The following ZBTB8OS variants were observed in gnomAD, a reference collection of about 807,000 sequenced individuals.
The protein encoded by ZBTB8OS is tRNA splicing ligase complex subunit 1, also known as tRNA-splicing ligase-activating factor archease.
Under a neutral mutation model 29.3 loss-of-function variants are expected in ZBTB8OS, and 16 were observed. That is an observed-to-expected ratio of 0.55 (90% CI 0.37 to 0.83). The LOEUF (loss-of-function observed/expected upper bound fraction) is 0.83. Ranked by LOEUF, ZBTB8OS falls within the 40% of genes least tolerant of loss-of-function variation. ZBTB8OS has a pLI of 0.00. For missense variants in ZBTB8OS, 160 were observed against 196.9 expected (o/e 0.81, Z 1.12); for synonymous variants, 70 against 64.6 (o/e 1.08, Z -0.40).
At chr1:32,644,210 C>G (rs925272179) in intron 1 of ZBTB8OS, among the ~76,000 whole-genome samples, 1 of 152,116 alleles carries the variant, frequency 6.6e-6, no homozygotes, top group South Asian at 2.1e-4. Context: ...GTTTATCAAT[C>G]GGACGAATTC....
At chr1:32,641,853 G>A (rs906272102) in intron 1 of ZBTB8OS, among the ~76,000 whole-genome samples, 6 of 151,898 alleles carry the variant, frequency 4.0e-5, no homozygotes, top group Admixed American at 1.3e-4. Flanking sequence ...CCCGGGAGAC[G>A]GAGGTTGCAG....
intron 5 of ZBTB8OS, among the ~76,000 whole-genome samples, chr1:32,630,129 C>G (rs1570524196): frequency 6.6e-6 from 1 of 152,154 alleles, no homozygotes; most frequent in African/African-American, 2.4e-5. Flanking sequence ...AAAGATCTCA[C>G]TTTACAAAAA....
intron 6 of ZBTB8OS, among the ~76,000 whole-genome samples, chr1:32,625,611 C>G (rs1038719542): frequency 6.6e-6 from 1 of 152,136 alleles, no homozygotes; most frequent in African/African-American, 2.4e-5. Flanking sequence ...GTGGTGTGCA[C>G]CTGTAAGCTC....
chr1:32,649,535 A>C (rs612656), intron 1 of ZBTB8OS, among the ~76,000 whole-genome samples: 2,076 of 152,184 alleles, frequency 0.014, 40 homozygotes, highest in African/African-American at 0.046. Flanking sequence ...AAAGTCACTA[A>C]GCGAATAAAT....
chr1:32,631,229 T>G (rs1252777024), intron 5 of ZBTB8OS, among the ~76,000 whole-genome samples: 1 of 150,786 alleles, frequency 6.6e-6, no homozygotes, highest in Non-Finnish European at 1.5e-5. Context: ...AGTGGCACAC[T>G]TGGTGGTCCC....
At chr1:32,643,176 T>G (rs992111556) in intron 1 of ZBTB8OS, among the ~76,000 whole-genome samples, 1 of 149,950 alleles carries the variant, frequency 6.7e-6, no homozygotes, top group Admixed American at 6.7e-5. Flanking sequence ...GTTCAAGCGA[T>G]TCTCCTGCCT....
In ZBTB8OS at chr1:32,631,836, C is replaced by T. The variant is rs776311479; in HGVS notation, c.371G>A (p.Arg124Gln). Residue 124 changes from arginine to glutamine, a missense_variant, in exon 5 of 7, where the codon CGA becomes CAA. Transcript: ENST00000468695. ...LSIDQRNFKL[R>Q]SIGWGEEFSL... ...GACTTTCAAAACTTACCCAATTGAT[C>T]GTAATTTGAAATTTCTTTGATCAAT... 5.6e-6 allele frequency: 9 copies of T among 1,594,414 alleles called. No individual in the cohort carries two copies. The South Asian group carries it at 5.7e-5, about 10-fold the overall frequency.
At chr1:32,650,385 G>A in intron 1 of ZBTB8OS, 48 bp downstream of exon 1, 1 of 1,610,834 alleles carries the variant, frequency 6.2e-7, no homozygotes. Context: ...AAGGAGAGGG[G>A]ATGCCTGTGT....
intron 1 of ZBTB8OS, among the ~76,000 whole-genome samples, chr1:32,641,951 C>T (rs1646443153): frequency 6.6e-6 from 1 of 151,652 alleles, no homozygotes; most frequent in African/African-American, 2.4e-5. Flanking sequence ...AAAACAAAAC[C>T]TTTGTACATA....
chr1:32,650,572 G>C, upstream of ZBTB8OS: 2 of 1,613,686 alleles, frequency 1.2e-6, no homozygotes, highest in Non-Finnish European at 1.7e-6. Context: ...TCATCCACCG[G>C]ACTTCGGCCC....
chr1:32,647,266 C>CAAAAAAAAAA (rs71006348), intron 1 of ZBTB8OS, among the ~76,000 whole-genome samples: 1 of 134,552 alleles, frequency 7.4e-6, no homozygotes, highest in Admixed American at 7.5e-5. Flanking sequence ...TACTCTGTCT[C>CAAAAAAAAAA]AAAAAAAAAA....
In ZBTB8OS at chr1:32,631,891, G is replaced by T; in HGVS notation, c.328-12C>A. 1 of 1,405,650 alleles carries T rather than the reference G, an allele frequency of 7.1e-7. No individual in the cohort carries two copies. The highest frequency in any genetic ancestry group is 2.8e-5 in the East Asian group (1 of 35,570). The allele number at this position is 1,405,650 out of a possible 1,614,324, so 87.1% of individuals were successfully genotyped here. On this transcript the variant is annotated splice_polypyrimidine_tract_variant and intron_variant, in intron 4 of 6. Coordinates refer to ENST00000468695, the MANE Select transcript of ZBTB8OS (RefSeq NM_178547.5). ...AGTACTTTCACTTCCTAGACAGGAA[G>T]AAAAATTTTTTAATTAAAAAAAGTT...
chr1:32,646,030 T>C (rs962782494), intron 1 of ZBTB8OS, among the ~76,000 whole-genome samples: 4 of 152,028 alleles, frequency 2.6e-5, no homozygotes, highest in African/African-American at 7.2e-5. Context: ...CAATAAAAGA[T>C]GTATTTTGGC....
In ZBTB8OS at chr1:32,623,653, T is replaced by G. The variant is rs1291478642; in HGVS notation, c.418-1705A>C. 1.3e-5 allele frequency among the ~76,000 whole-genome samples: 2 copies of G among 152,186 alleles called. 1 individual carries two copies. On this transcript the variant is annotated intron_variant, in intron 6 of 6. Transcript: ENST00000468695. ...TTACCAAATTTTACCAAAGAGGCTG[T>G]GGCCCTATCTCTACAACCTTGTCTC...
intron 1 of ZBTB8OS, among the ~76,000 whole-genome samples, chr1:32,636,384 G>A (rs193299929): frequency 8.7e-4 from 133 of 152,152 alleles, no homozygotes; most frequent in Admixed American, 2.8e-3. Flanking sequence ...CCCATTGGGC[G>A]GTTACACTTA....
chr1:32,631,946 T>A, intron 4 of ZBTB8OS, 67 bp from the exon 5 acceptor site: 2 of 904,056 alleles, frequency 2.2e-6, no homozygotes, highest in Non-Finnish European at 3.3e-6. Flanking sequence ...AAAATCTTTT[T>A]GTTCTGTTTT....
chr1:32,644,662 A>G (rs1188565528), intron 1 of ZBTB8OS, among the ~76,000 whole-genome samples: 1 of 144,508 alleles, frequency 6.9e-6, no homozygotes, highest in Non-Finnish European at 1.5e-5. Flanking sequence ...CTTCCCCAGT[A>G]GGTGCGACTA....
At chr1:32,642,874 A>T (rs1262804651) in intron 1 of ZBTB8OS, among the ~76,000 whole-genome samples, 3 of 140,604 alleles carry the variant, frequency 2.1e-5, no homozygotes, top group Admixed American at 7.5e-5. Flanking sequence ...GATTCAAGGG[A>T]TTCTCCTGCT....
At chr1:32,628,828 C>T (rs1021223292) in intron 5 of ZBTB8OS, among the ~76,000 whole-genome samples, 8 of 151,654 alleles carry the variant, frequency 5.3e-5, no homozygotes, top group African/African-American at 1.7e-4. Context: ...CCCACCTACT[C>T]GGGAGGCTGA....
Sources: allele counts gnomAD v4.1 joint callset (sites outside exome capture counted in the v4.1 genomes callset), GRCh38; gene constraint gnomAD v4.1.1; transcripts MANE v1.5; gene names NCBI Gene and HGNC (gene_info 2026-07-23, HGNC 2026-07-21).